NHSL1: variants seen among roughly 807,000 people sequenced by gnomAD.
NHSL1 encodes the protein NHS like 1, also known as NHS-like protein 1.
NHSL1 carries 48 observed loss-of-function variants against 95.0 expected under a neutral mutation model. The observed-to-expected ratio is 0.51, with a 90% CI of 0.40 to 0.64. NHSL1 has a LOEUF of 0.64. NHSL1 is among the 30% of genes least tolerant of loss of function. The probability of loss-of-function intolerance (pLI) is 0.00; values close to 1 mark genes in which losing one functional copy is unlikely to be tolerated. For missense variants in NHSL1, 1,971 were observed against 2,077.7 expected (o/e 0.95, Z 1.00); for synonymous variants, 783 against 833.9 (o/e 0.94, Z 1.05).
chr6:138,583,402 A>G (rs1784089446), intron 1 of NHSL1, among the ~76,000 whole-genome samples: 1 of 152,198 alleles, frequency 6.6e-6, no homozygotes, highest in African/African-American at 2.4e-5. Context: ...ACAGGCACCT[A>G]CTTGGGCAAG....
At chr6:138,685,866 A>G (rs1785578807) in intron 1 of NHSL1, among the ~76,000 whole-genome samples, 1 of 152,256 alleles carries the variant, frequency 6.6e-6, no homozygotes, top group South Asian at 2.1e-4. Context: ...GCCCAGCTCC[A>G]TTGCTTACCA....
intron 3 of NHSL1, among the ~76,000 whole-genome samples, chr6:138,448,233 C>A (rs558383930): frequency 6.6e-6 from 1 of 152,268 alleles, no homozygotes; most frequent in South Asian, 2.1e-4. Flanking sequence ...GGCTCCACAG[C>A]AGCTGGTTCT....
chr6:138,511,760 A>T (rs1345751770), intron 1 of NHSL1, among the ~76,000 whole-genome samples: 1 of 152,172 alleles, frequency 6.6e-6, no homozygotes, highest in East Asian at 1.9e-4. Context: ...ACATGGCAAA[A>T]ACCCGTCTCT....
chr6:138,691,677 G>C, intron 1 of NHSL1: 4 of 338,830 alleles, frequency 1.2e-5, no homozygotes, highest in South Asian at 7.2e-5. Flanking sequence ...CACACTGAAA[G>C]TTTCTCTGCT....
chr6:138,571,791 T>C, exon 1 of NHSL1: 3 of 1,552,296 alleles, frequency 1.9e-6, no homozygotes, highest in Non-Finnish European at 2.6e-6. Flanking sequence ...TCTCCATCAC[T>C]GCGAAACAGC....
chr6:138,644,452 G>A (rs144543634), intron 1 of NHSL1, among the ~76,000 whole-genome samples: 1,718 of 152,018 alleles, frequency 0.011, 20 homozygotes, highest in African/African-American at 0.039. Context: ...GCAGCGAGCC[G>A]AGACTGTGCC....
chr6:138,452,653 T>C (rs573888299), intron 3 of NHSL1, among the ~76,000 whole-genome samples: 1 of 152,344 alleles, frequency 6.6e-6, no homozygotes, highest in South Asian at 2.1e-4. Flanking sequence ...TAGTCTTTGA[T>C]GCTCTTCCTC....
intron 3 of NHSL1, among the ~76,000 whole-genome samples, chr6:138,454,108 G>T (rs1393825734): frequency 6.6e-6 from 1 of 151,872 alleles, no homozygotes; most frequent in South Asian, 2.1e-4. Flanking sequence ...CTCCCTCCAT[G>T]CCCCATCCCA....
At chr6:138,437,468 A>G (rs1164836764) in intron 5 of NHSL1, among the ~76,000 whole-genome samples, 1 of 144,146 alleles carries the variant, frequency 6.9e-6, no homozygotes, top group African/African-American at 2.6e-5. Flanking sequence ...AAAAAATACA[A>G]TGCACCTAGT....
intron 1 of NHSL1, chr6:138,512,560 A>C (rs981570023): frequency 6.5e-5 from 13 of 199,570 alleles, no homozygotes; most frequent in Non-Finnish European, 6.2e-5. Flanking sequence ...AAAAAAAAAA[A>C]AAACCCAGCC....
upstream of NHSL1, among the ~76,000 whole-genome samples, chr6:138,692,985 G>T (rs1353410606): frequency 2.0e-5 from 3 of 151,222 alleles, no homozygotes; most frequent in Non-Finnish European, 4.4e-5. This position sits in a 1 kb window ranked among gnomAD's most constrained non-coding sequence, Gnocchi z 4.0. Context: ...GCAGGAATGG[G>T]GTCCGAGCCG....
At chr6:138,427,425 G>A (rs1265261053) in intron 7 of NHSL1, among the ~76,000 whole-genome samples, 3 of 151,594 alleles carry the variant, frequency 2.0e-5, no homozygotes, top group African/African-American at 7.3e-5. Flanking sequence ...GGGTGACAGA[G>A]TGAGTGAGAC....
chr6:138,488,979 C>T (rs1452605903), intron 2 of NHSL1, among the ~76,000 whole-genome samples: 1 of 152,156 alleles, frequency 6.6e-6, no homozygotes. Context: ...AGGGGTCTTT[C>T]AGAGGTTGAT....
chr6:138,464,715 C>CT (rs1157342436), intron 3 of NHSL1, among the ~76,000 whole-genome samples: 2,633 of 118,880 alleles, frequency 0.022, 164 homozygotes, highest in African/African-American at 0.069. Context: ...TTTTTCTTTT[C>CT]TTTTTTTTTT....
At chr6:138,446,044 T>A (rs199587184) in intron 4 of NHSL1, among the ~76,000 whole-genome samples, 9,449 of 151,916 alleles carry the variant, frequency 0.062, 787 homozygotes, top group East Asian at 0.36. Context: ...TTTTTTTTTT[T>A]TTTTTTTGAG....
upstream of NHSL1, among the ~76,000 whole-genome samples, chr6:138,547,388 T>A (rs971027378): frequency 1.2e-4 from 18 of 151,922 alleles, no homozygotes; most frequent in African/African-American, 4.1e-4. Flanking sequence ...TTCTTCTTCT[T>A]TTTTTTTCCC....
chr6:138,679,831 C>A (rs908248270), intron 1 of NHSL1, among the ~76,000 whole-genome samples: 2 of 152,086 alleles, frequency 1.3e-5, no homozygotes, highest in East Asian at 3.9e-4. Flanking sequence ...TTTCAAAATT[C>A]AGGACACAAA....
intron 1 of NHSL1, among the ~76,000 whole-genome samples, chr6:138,627,558 T>C (rs1402111465): frequency 6.6e-6 from 1 of 152,202 alleles, no homozygotes; most frequent in Non-Finnish European, 1.5e-5. Context: ...TTTCATAGTA[T>C]TCAAATATAT....
At position 138,473,184 on chromosome 6, in the gene NHSL1, A is replaced by C; in HGVS notation, c.339+122T>G. 3 of 875,748 alleles carry C rather than the reference A, an allele frequency of 3.4e-6. No individual in the cohort carries two copies. In the African/African-American group the frequency reaches 5.2e-5, roughly 15 times the overall value. 54.2% of individuals were successfully genotyped at this position (875,748 alleles called of 1,614,324 possible). On this transcript the variant is annotated intron_variant, in intron 3 of 7. Coordinates refer to ENST00000343505, the MANE Select transcript of NHSL1 (RefSeq NM_001144060.2). ...CGCATTTGTCAAAACCAAGAAATTC[A>C]CTTGAGACAATACTATTGATTAAAA...
Sources: gnomAD v4.1 joint callset for allele counts (sites outside exome capture counted in the v4.1 genomes callset) on GRCh38, gnomAD v4.1.1 for gene constraint, Gnocchi (gnomAD v3.1) non-coding constraint, MANE v1.5 for transcripts, NCBI Gene and HGNC (gene_info 2026-07-23, HGNC 2026-07-21) for gene names.